Variants in FBRS observed in about 807,000 individuals in gnomAD.
FBRS encodes fibrosin, also known as probable fibrosin-1.
Under a neutral mutation model 86.1 loss-of-function variants are expected in FBRS, and 15 were observed. The observed-to-expected ratio is 0.17, with a 90% CI of 0.12 to 0.27. The LOEUF is 0.27. FBRS is among the 10% of genes least tolerant of loss of function. The pLI is 1.00. For synonymous variants in FBRS, 666 were observed against 575.8 expected (o/e 1.16, Z -2.24); for missense variants, 1,367 against 1,301.6 (o/e 1.05, Z -0.77).
chr16:30,664,398 GCC>G lies in FBRS; in HGVS notation c.1246_1247del (p.Pro416ThrfsTer33). ...ACAGCTTTCCCCCTCCCGGGCTGCG[GCC>G]CCCCCCACCACCCCACCACCCCTCC... ...THSFPPPGLR[P>X]PPPPHHPSLF... On this transcript the variant is annotated frameshift_variant, in exon 7 of 18. Transcript: ENST00000356166. LOFTEE classifies it high-confidence loss of function. The G allele has an allele frequency of 7.3e-7, 1 of 1,376,460 alleles. No homozygotes were observed. Among genetic ancestry groups the G allele is most frequent in the Non-Finnish European group, 9.7e-7 (1 of 1,026,034 alleles). 85.3% of individuals were successfully genotyped at this position (1,376,460 alleles called of 1,614,324 possible). A position where few individuals can be genotyped will look rare whatever the true frequency, so the allele number is the denominator to read the frequency against.
At position 30,659,563 on chromosome 16, in the gene FBRS, A is replaced by G. The variant is rs2052428108; in HGVS notation, c.45A>G (p.Ala15=). 1 of 328,080 alleles carries G rather than the reference A, an allele frequency of 3.0e-6. No homozygotes were observed. The highest frequency in any genetic ancestry group is 5.0e-5 in the Admixed American group (1 of 20,182). 20.3% of individuals were successfully genotyped at this position (328,080 alleles called of 1,614,324 possible). ...CGGCCCCGGGTCCGGGCTGGGCAGC[A>G]GAGGGGGAGCGCCGACGGCGGCGCT... ...AAAAPGPGWA[A]EGERRRRRCS... The change falls in exon 1 of 18, where the codon GCA becomes GCG. Residue 15 remains alanine, a synonymous_variant. Coordinates refer to ENST00000356166, the MANE Select transcript of FBRS (RefSeq NM_001105079.3).
chr16:30,661,812 A>G (rs1395878935), intron 4 of FBRS, among the ~76,000 whole-genome samples: 1 of 152,202 alleles, frequency 6.6e-6, no homozygotes, highest in African/African-American at 2.4e-5. Flanking sequence ...AGTATGTCCT[A>G]GAAGTTAATG....
At chr16:30,667,644 G>T in intron 15 of FBRS, 22 bp downstream of exon 15, 1 of 1,478,152 alleles carries the variant, frequency 6.8e-7, no homozygotes, top group East Asian at 2.5e-5. Flanking sequence ...GGGCGTGTTG[G>T]GCAACCCAGG....
Position 30,670,312 on chromosome 16 carries a change from G to A in FBRS, c.*667G>A. On this transcript the variant is annotated 3_prime_UTR_variant, in exon 18 of 18. Transcript: ENST00000356166. ...GCCAGCAGGAGATGACCAACAGGGG[G>A]CAGGACCTGGGGACCTGGGCTGGAG... is the stretch of plus-strand genomic sequence containing the variant. 2.4e-6 allele frequency: 1 copy of A among 415,082 alleles called. No individual in the cohort carries two copies. The highest frequency in any genetic ancestry group is 4.8e-6 in the Non-Finnish European group (1 of 207,988). The allele number at this position is 415,082 out of a possible 1,614,324, so 25.7% of individuals were successfully genotyped here. A position where few individuals can be genotyped will look rare whatever the true frequency, so the allele number is the denominator to read the frequency against.
intron 2 of FBRS, chr16:30,660,718 C>T (rs1305837270): frequency 3.2e-5 from 16 of 495,108 alleles, no homozygotes; most frequent in African/African-American, 3.0e-4. Flanking sequence ...AATTGTGGTT[C>T]CTGCCCTTCC....
rs2052587427 is a variant in FBRS at position 30,670,758 on chromosome 16, C to T, written c.*1113C>T. On this transcript the variant is annotated 3_prime_UTR_variant, in exon 18 of 18. Coordinates refer to ENST00000356166, the MANE Select transcript of FBRS (RefSeq NM_001105079.3). Reference sequence around the variant, plus strand: ...TTGACTTTTTTCCCTGGTGGGGCTTCTTCTGTAACATGACTTGCGAATATT... The same window carrying T: ...TTGACTTTTTTCCCTGGTGGGGCTTTTTCTGTAACATGACTTGCGAATATT... 1 of 156,922 alleles carries T rather than the reference C, an allele frequency of 6.4e-6. No individual in the cohort carries two copies. The highest frequency in any genetic ancestry group is 1.4e-5 in the Non-Finnish European group (1 of 69,964). 9.7% of individuals were successfully genotyped at this position (156,922 alleles called of 1,614,324 possible). A position where few individuals can be genotyped will look rare whatever the true frequency, so the allele number is the denominator to read the frequency against.
rs2052513957 is a variant in FBRS, at chr16:30,665,639, G to A, written c.1706G>A (p.Ser569Asn). 1.3e-6 allele frequency: 2 copies of A among 1,586,330 alleles called. No individual in the cohort carries two copies. The highest frequency in any genetic ancestry group is 1.3e-5 in the African/African-American group (1 of 74,482). Residue 569 changes from serine to asparagine, a missense_variant and splice_region_variant, in exon 11 of 18, where the codon AGC becomes AAC. Physicochemically the swap from Ser to Asn is conservative, Grantham distance 46. Transcript: ENST00000356166. The surrounding 1 kb of genome is among the most constrained non-coding windows in gnomAD (Gnocchi z 4.1). ...GSLQGAFQPK[S>N]TNPELPPRLG... ...GATCCCTCCACTCCCCTTTCCCAGA[G>A]CACGAACCCTGAGCTGCCACCACGA...
rs1249876719 is a variant in FBRS, at chr16:30,667,535, G to A, written c.1994-7G>A. 1 of 1,530,728 alleles carries A rather than the reference G, an allele frequency of 6.5e-7. No homozygotes were observed. The highest frequency in any genetic ancestry group is 1.4e-5 in the African/African-American group (1 of 72,354). 94.8% of individuals were successfully genotyped at this position (1,530,728 alleles called of 1,614,324 possible). A position where few individuals can be genotyped will look rare whatever the true frequency, so the allele number is the denominator to read the frequency against. On this transcript the variant is annotated splice_region_variant and splice_polypyrimidine_tract_variant and intron_variant, in intron 14 of 17. Transcript: ENST00000356166. ...CCTCATCAGAATCTCCCACCTCTCTGCCCCAGGTGCCGTCCACGCTGCAGC... is the reference window on the plus strand; with the variant it reads ...CCTCATCAGAATCTCCCACCTCTCTACCCCAGGTGCCGTCCACGCTGCAGC...
In FBRS at chr16:30,669,012, C is replaced by T. The variant is rs1258729949; in HGVS notation, c.2366+33C>T. 2 of 1,560,196 alleles carry T rather than the reference C, an allele frequency of 1.3e-6. No homozygotes were observed. The highest frequency in any genetic ancestry group is 8.7e-7 in the Non-Finnish European group (1 of 1,153,110). ...TCCCACCCACCCTGCCCCTGCCCCA[C>T]CCTCAGCCCCTGCTGCCCCTGGAGA... On this transcript the variant is annotated intron_variant, in intron 17 of 17. Coordinates refer to ENST00000356166, the MANE Select transcript of FBRS (RefSeq NM_001105079.3). This position sits in a 1 kb window ranked among gnomAD's most constrained non-coding sequence, Gnocchi z 5.9.
chr16:30,666,448 T>C (rs1284893505), intron 11 of FBRS, 64 bp from the exon 12 acceptor site: 38 of 1,605,058 alleles, frequency 2.4e-5, no homozygotes, highest in Non-Finnish European at 3.2e-5. Context: ...GCTGTGGAGA[T>C]GCGAGGCGCC....
chr16:30,669,554 G>A lies in FBRS; in HGVS notation c.2852G>A (p.Gly951Glu). The change falls in exon 18 of 18, where the codon GGA becomes GAA. Residue 951 changes from glycine to glutamate, a missense_variant. Physicochemically the swap from Gly to Glu is moderately conservative, Grantham distance 98. This residue lies in a region of FBRS where 659 missense variants were observed against 678.8 expected (regional missense o/e 0.97). Coordinates refer to ENST00000356166, the MANE Select transcript of FBRS (RefSeq NM_001105079.3). The surrounding 1 kb of genome is among the most constrained non-coding windows in gnomAD (Gnocchi z 5.9). ...CACCTTCTCAGCAAGACCCCACCGG[G>A]AGCCCTTTTGGGGGCACCACCTCCG... ...TPHLLSKTPP[G>E]ALLGAPPPLV... 1 of 1,612,794 alleles carries A rather than the reference G, an allele frequency of 6.2e-7. No individual in the cohort carries two copies. The highest frequency in any genetic ancestry group is 2.2e-5 in the East Asian group (1 of 44,870).
chr16:30,667,482 G>A, intron 14 of FBRS, 45 bp downstream of exon 14: 1 of 1,515,098 alleles, frequency 6.6e-7, no homozygotes, highest in Non-Finnish European at 8.9e-7. Context: ...CCTGTCTATA[G>A]CCTGAGGCCC....
Position 30,665,747 on chromosome 16 carries a change from T to G in FBRS, c.1773+41T>G. ...CAGGTCCTGGGGGAGCTGGAAGGTGTGTTGCGGGGAGAACAGAACTGACTT... is the reference window on the plus strand; with the variant it reads ...CAGGTCCTGGGGGAGCTGGAAGGTGGGTTGCGGGGAGAACAGAACTGACTT... On this transcript the variant is annotated intron_variant, in intron 11 of 17. Transcript: ENST00000356166. The surrounding 1 kb of genome is among the most constrained non-coding windows in gnomAD (Gnocchi z 4.1). The G allele has an allele frequency of 6.5e-7, 1 of 1,545,166 alleles. No homozygotes were observed. The highest frequency in any genetic ancestry group is 1.2e-5 in the South Asian group (1 of 84,142).
Position 30,669,525 on chromosome 16 carries a change from C to T in FBRS, c.2823C>T (p.Thr941=). 6.2e-7 allele frequency: 1 copy of T among 1,613,082 alleles called. No individual in the cohort carries two copies. The highest frequency in any genetic ancestry group is 8.5e-7 in the Non-Finnish European group (1 of 1,179,802). The change falls in exon 18 of 18, where the codon ACC becomes ACT. Residue 941 remains threonine, a synonymous_variant. Coordinates refer to ENST00000356166, the MANE Select transcript of FBRS (RefSeq NM_001105079.3). This position sits in a 1 kb window ranked among gnomAD's most constrained non-coding sequence, Gnocchi z 5.9. The stretch of plus-strand genomic sequence containing the variant: ...CACCACCTGCTGCGGCCCCGGGAAC[C>T]CCTCACCTTCTCAGCAAGACCCCAC... ...PPPPPAAAPG[T]PHLLSKTPPG...
At chr16:30,664,994 G>C (rs756094690) in intron 8 of FBRS, 41 bp from the exon 9 acceptor site, 1 of 1,610,516 alleles carries the variant, frequency 6.2e-7, no homozygotes, top group East Asian at 2.2e-5. Flanking sequence ...GGAAGGCCCG[G>C]GTCCCTGGCT....
In FBRS at chr16:30,660,058, TGAG is replaced by T. The variant is rs2052438195; in HGVS notation, c.459+83_459+85del. The T allele has an allele frequency of 5.4e-6, 8 of 1,481,816 alleles. No homozygotes were observed. In the South Asian group the frequency reaches 9.1e-5, roughly 17 times the overall value. The allele number at this position is 1,481,816 out of a possible 1,614,324, so 91.8% of individuals were successfully genotyped here. A position where few individuals can be genotyped will look rare whatever the true frequency, so the allele number is the denominator to read the frequency against. ...GGGCAGTGCCCCTAGTGGGTGGAGT[TGAG>T]GGGGGAATGCTGGCACCCCAAACCA... On this transcript the variant is annotated intron_variant, in intron 1 of 17. Transcript: ENST00000356166.
In FBRS at chr16:30,665,169, T is replaced by G; in HGVS notation, c.1608+90T>G. ...GACCCTGACTGCTGGGGTCCAGTCT[T>G]CAGCACAAAAGCAAGAGCCTTGAGC... On this transcript the variant is annotated intron_variant, in intron 9 of 17. Transcript: ENST00000356166. This position sits in a 1 kb window ranked among gnomAD's most constrained non-coding sequence, Gnocchi z 4.1. 6.5e-7 allele frequency: 1 copy of G among 1,550,150 alleles called. No individual in the cohort carries two copies. The highest frequency in any genetic ancestry group is 1.4e-5 in the African/African-American group (1 of 73,636).
Position 30,666,456 on chromosome 16 carries a change from G to A in FBRS, c.1774-56G>A, listed in dbSNP as rs546085030. 1.6e-5 allele frequency: 25 copies of A among 1,611,856 alleles called. No homozygotes were observed. The East Asian group carries it at 2.9e-4, about 19-fold the overall frequency. The stretch of plus-strand genomic sequence containing the variant: ...AGTGGATGCTGTGGAGATGCGAGGC[G>A]CCTGGCCCAGGACTCGGGTCTGAGT... On this transcript the variant is annotated intron_variant, in intron 11 of 17. Coordinates refer to ENST00000356166, the MANE Select transcript of FBRS (RefSeq NM_001105079.3).
At position 30,660,337 on chromosome 16, in the gene FBRS, C is replaced by T. The variant is rs1215456683; in HGVS notation, c.534C>T (p.Gly178=). ...LKHSGKRKRG[G]SSGATGEPGD... ...ATTCTGGGAAGCGGAAAAGGGGGGG[C>T]TCCAGTGGGGCCACCGGGGAGCCAG... Residue 178 remains glycine, a synonymous_variant, in exon 2 of 18, where the codon GGC becomes GGT. Transcript: ENST00000356166. The T allele has an allele frequency of 1.5e-6, 2 of 1,300,490 alleles. No homozygotes were observed. Among genetic ancestry groups the T allele is most frequent in the African/African-American group, 3.1e-5 (2 of 64,766 alleles). 80.6% of individuals were successfully genotyped at this position (1,300,490 alleles called of 1,614,324 possible). A position where few individuals can be genotyped will look rare whatever the true frequency, so the allele number is the denominator to read the frequency against.
Sources: allele counts gnomAD v4.1 joint callset (sites outside exome capture counted in the v4.1 genomes callset), GRCh38; gene constraint gnomAD v4.1.1; regional missense constraint gnomAD v4.1.1; non-coding constraint Gnocchi (gnomAD v3.1); transcripts MANE v1.5; gene names NCBI Gene and HGNC (gene_info 2026-07-23, HGNC 2026-07-21).